TYMS: variants seen among roughly 807,000 people sequenced by gnomAD.
TYMS encodes the protein thymidylate synthase.
A neutral mutation model predicts 39.3 loss-of-function variants in TYMS; 21 were observed. That is an observed-to-expected ratio of 0.54 (90% CI 0.38 to 0.77). The LOEUF is 0.77. TYMS is among the 30% of genes least tolerant of loss of function. TYMS has a pLI of 0.00. For missense variants in TYMS, 273 were observed against 406.7 expected, an observed-to-expected ratio of 0.67 and a Z score of 2.83; for synonymous variants, 171 against 162.2, an observed-to-expected ratio of 1.05 and a Z score of -0.41.
At chr18:659,609 A>T in intron 1 of TYMS, 32 bp from the exon 2 acceptor site, 1 of 1,596,420 alleles carries the variant, frequency 6.3e-7, no homozygotes, top group Non-Finnish European at 8.6e-7. Flanking sequence ...CTGTCTTCCC[A>T]TCTTGAAACC....
Position 672,953 on chromosome 18 carries a change from G to A in TYMS, c.898G>A (p.Gly300Arg). The A allele has an allele frequency of 6.3e-7, 1 of 1,595,318 alleles. No individual in the cohort carries two copies. Among genetic ancestry groups the A allele is most frequent in the Non-Finnish European group, 8.6e-7 (1 of 1,165,656 alleles). Residue 300 changes from glycine to arginine, a missense_variant, in exon 7 of 7, where the codon GGG becomes AGG. Physicochemically the swap from Gly to Arg is moderately radical, Grantham distance 125. Around this residue, in one of 3 missense-constraint regions of TYMS, gnomAD observed 35 missense variants for 42.4 expected, o/e 0.83. Coordinates refer to ENST00000323274, the MANE Select transcript of TYMS (RefSeq NM_001071.4). ...DFKAEDFQIE[G>R]YNPHPTIKME... Reference sequence around the variant, plus strand: ...CAAAGCTGAAGACTTTCAGATTGAAGGGTACAATCCGCATCCAACTATTAA... The same window carrying A: ...CAAAGCTGAAGACTTTCAGATTGAAAGGTACAATCCGCATCCAACTATTAA...
At chr18:667,553 A>ATGGAGATGGAGATGGTGATGGT (rs2074878653) in intron 3 of TYMS, among the ~76,000 whole-genome samples, 1 of 18,572 alleles carries the variant, frequency 5.4e-5, no homozygotes, top group Non-Finnish European at 9.0e-5. Flanking sequence ...ATGGTGATGG[A>ATGGAGATGGAGATGGTGATGGT]GATGGTGATG....
chr18:658,470 C>T lies in TYMS; in HGVS notation c.205+523C>T. 1.9e-6 allele frequency: 1 copy of T among 526,700 alleles called. No individual in the cohort carries two copies. The highest frequency in any genetic ancestry group is 2.0e-5 in the South Asian group (1 of 50,866). The allele number at this position is 526,700 out of a possible 1,614,324, so 32.6% of individuals were successfully genotyped here. A position where few individuals can be genotyped will look rare whatever the true frequency, so the allele number is the denominator to read the frequency against. Reference sequence around the variant, plus strand: ...CGCGGGAACTTGGTTTCCTGGTGGCCTCCCATCCAATCCCCACGAACCAGC... The same window carrying T: ...CGCGGGAACTTGGTTTCCTGGTGGCTTCCCATCCAATCCCCACGAACCAGC... On this transcript the variant is annotated intron_variant, in intron 1 of 6. Coordinates refer to ENST00000323274, the MANE Select transcript of TYMS (RefSeq NM_001071.4). The surrounding 1 kb of genome is among the most constrained non-coding windows in gnomAD (Gnocchi z 4.5).
At position 660,564 on chromosome 18, in the gene TYMS, A is replaced by G. The variant is rs2074747311; in HGVS notation, c.279+850A>G. On this transcript the variant is annotated intron_variant, in intron 2 of 6. Coordinates refer to ENST00000323274, the MANE Select transcript of TYMS (RefSeq NM_001071.4). The surrounding 1 kb of genome is among the most constrained non-coding windows in gnomAD (Gnocchi z 4.6). ...CCTGCCACATAGTAGGAGTCAACAT[A>G]TATTGATCACTAAATGTAGATACCA... 6.6e-6 allele frequency among the ~76,000 whole-genome samples: 1 copy of G among 152,240 alleles called. No homozygotes were observed. The highest frequency in any genetic ancestry group is 1.9e-4 in the East Asian group (1 of 5,198).
In TYMS at chr18:673,187, A is replaced by C. The variant is rs906413936; in HGVS notation, c.*190A>C. The C allele has an allele frequency of 3.8e-6, 2 of 529,398 alleles. No individual in the cohort carries two copies. Among genetic ancestry groups the C allele is most frequent in the African/African-American group, 3.7e-5 (2 of 53,518 alleles). The allele number at this position is 529,398 out of a possible 1,614,324, so 32.8% of individuals were successfully genotyped here. ...CTGTGCCAGTTCTTTCCATAATAAA[A>C]GGCTTTGAGTTAACTCACTGAGGGT... On this transcript the variant is annotated 3_prime_UTR_variant, in exon 7 of 7. Coordinates refer to ENST00000323274, the MANE Select transcript of TYMS (RefSeq NM_001071.4).
rs62090120 is a variant in TYMS at position 666,921 on chromosome 18, A to C, written c.455-2151A>C. On this transcript the variant is annotated intron_variant, in intron 3 of 6. Transcript: ENST00000323274. ...GTGATGGAGATGGTGATGGTGATGG[A>C]GATGGTGATGGTGATGGAGATGGTG... is the stretch of plus-strand genomic sequence containing the variant. 1.9e-3 allele frequency among the ~76,000 whole-genome samples: 63 copies of C among 33,496 alleles called. 8 individuals carry two copies. Among genetic ancestry groups the C allele is most frequent in the African/African-American group, 6.0e-3 (53 of 8,776 alleles). The allele number at this position is 33,496 out of a possible 152,430, so 22.0% of individuals were successfully genotyped here.
chr18:666,822 C>G (rs935907257), intron 3 of TYMS, among the ~76,000 whole-genome samples: 1 of 152,186 alleles, frequency 6.6e-6, no homozygotes, highest in Non-Finnish European at 1.5e-5. Flanking sequence ...GACTGGGGAA[C>G]AGGGAGGAAT....
Position 660,442 on chromosome 18 carries a change from A to G in TYMS, c.279+728A>G, listed in dbSNP as rs183703769. Among the ~76,000 whole-genome samples, 7 of 120,324 alleles carry G rather than the reference A, an allele frequency of 5.8e-5. No individual in the cohort carries two copies. The highest frequency in any genetic ancestry group is 3.1e-4 in the Admixed American group (4 of 12,970). The allele number at this position is 120,324 out of a possible 152,430, so 78.9% of individuals were successfully genotyped here. A position where few individuals can be genotyped will look rare whatever the true frequency, so the allele number is the denominator to read the frequency against. ...TTTCCCTTCCCCTGTTAGAAGGGGG[A>G]CAGCAGGTAGTAAAAGTGAAATGTG... On this transcript the variant is annotated intron_variant, in intron 2 of 6. Coordinates refer to ENST00000323274, the MANE Select transcript of TYMS (RefSeq NM_001071.4). The surrounding 1 kb of genome is among the most constrained non-coding windows in gnomAD (Gnocchi z 4.6).
chr18:669,021 A>G (rs2074922895), intron 3 of TYMS, 51 bp from the exon 4 acceptor site: 1 of 1,488,032 alleles, frequency 6.7e-7, no homozygotes, highest in East Asian at 2.3e-5. Context: ...CCATCTCATG[A>G]CATGTGTGAT....
chr18:665,415 A>G (rs1349340771), intron 3 of TYMS, among the ~76,000 whole-genome samples: 1 of 150,702 alleles, frequency 6.6e-6, no homozygotes, highest in Admixed American at 6.6e-5. Flanking sequence ...CTTTTTCTTT[A>G]TTAGTCTTGC....
chr18:658,570 T>C lies in TYMS; in HGVS notation c.205+623T>C. 2 of 223,650 alleles carry C rather than the reference T, an allele frequency of 8.9e-6. No individual in the cohort carries two copies. Among genetic ancestry groups the C allele is most frequent in the Non-Finnish European group, 1.7e-5 (2 of 115,840 alleles). The allele number at this position is 223,650 out of a possible 1,614,324, so 13.9% of individuals were successfully genotyped here. The stretch of plus-strand genomic sequence containing the variant: ...CTTAGTCGTCCTTTCCTCTTTCCTT[T>C]CCGACAGGAGCACCCCAGGCAAAAA... On this transcript the variant is annotated intron_variant, in intron 1 of 6. Transcript: ENST00000323274. This position sits in a 1 kb window ranked among gnomAD's most constrained non-coding sequence, Gnocchi z 4.5.
At chr18:659,500 A>G in intron 1 of TYMS, 141 bp from the exon 2 acceptor site, 1 of 704,098 alleles carries the variant, frequency 1.4e-6, no homozygotes, top group South Asian at 1.7e-5. Flanking sequence ...CTCCACCGTG[A>G]TCTCTGGCCC....
rs1555639491 is a variant in TYMS at position 666,897 on chromosome 18, T to TGATGGCGATGGAGATGGAGATGGA, written c.455-2170_455-2169insCGATGGAGATGGAGATGGAGATGG. Among the ~76,000 whole-genome samples the TGATGGCGATGGAGATGGAGATGGA allele has an allele frequency of 6.2e-5, 3 of 48,214 alleles. 1 individual carries two copies. The East Asian group carries it at 2.6e-3, about 43-fold the overall frequency. The allele number at this position is 48,214 out of a possible 152,430, so 31.6% of individuals were successfully genotyped here. A position where few individuals can be genotyped will look rare whatever the true frequency, so the allele number is the denominator to read the frequency against. Reference sequence around the variant, plus strand: ...GATGACGAAAAAGTTCGGGAGATGGTGATGGAGATGGTGATGGTGATGGAG... The same window carrying TGATGGCGATGGAGATGGAGATGGA: ...GATGACGAAAAAGTTCGGGAGATGGTGATGGCGATGGAGATGGAGATGGAGATGGAGATGGTGATGGTGATGGAG... On this transcript the variant is annotated intron_variant, in intron 3 of 6. Transcript: ENST00000323274.
intron 2 of TYMS, among the ~76,000 whole-genome samples, chr18:661,752 G>A (rs575811256): frequency 5.9e-5 from 9 of 152,340 alleles, no homozygotes; most frequent in Non-Finnish European, 1.0e-4. Flanking sequence ...TCGGGAGGCC[G>A]AAGTGGGCGG....
In TYMS at chr18:662,241, C is replaced by T; in HGVS notation, c.375C>T (p.Thr125=). 6.2e-7 allele frequency: 1 copy of T among 1,614,044 alleles called. No individual in the cohort carries two copies. Among genetic ancestry groups the T allele is most frequent in the African/African-American group, 1.3e-5 (1 of 75,038 alleles). The part of the protein sequence containing the change: ...RDFLDSLGFS[T]REEGDLGPVY... Reference sequence around the variant, plus strand: ...TTTTGGACAGCCTGGGATTCTCCACCAGAGAAGAAGGGGACTTGGGCCCAG... The same window carrying T: ...TTTTGGACAGCCTGGGATTCTCCACTAGAGAAGAAGGGGACTTGGGCCCAG... Residue 125 remains threonine, a synonymous_variant, in exon 3 of 7, where the codon ACC becomes ACT. Coordinates refer to ENST00000323274, the MANE Select transcript of TYMS (RefSeq NM_001071.4).
At chr18:670,606 TTC>T (rs1248109237) in intron 4 of TYMS, 84 bp from the exon 5 acceptor site, 15 of 1,470,980 alleles carry the variant, frequency 1.0e-5, no homozygotes, top group South Asian at 8.8e-5. Flanking sequence ...ATGAGTTGGC[TTC>T]TGTTTCTCTC....
chr18:659,680 A>G lies in TYMS; in HGVS notation c.245A>G (p.Lys82Arg). Residue 82 changes from lysine to arginine, a missense_variant, in exon 2 of 7, where the codon AAG becomes AGG. Physicochemically the swap from Lys to Arg is conservative, Grantham distance 26 (BLOSUM62 2). Around this residue, in one of 3 missense-constraint regions of TYMS, gnomAD observed 228 missense variants for 326.1 expected, o/e 0.70. Coordinates refer to ENST00000323274, the MANE Select transcript of TYMS (RefSeq NM_001071.4). ...PLLTTKRVFWKGVLEELLWFI... is the reference protein window; with the variant it reads ...PLLTTKRVFWRGVLEELLWFI... ...CTGACAACCAAACGTGTGTTCTGGA[A>G]GGGTGTTTTGGAGGAGTTGCTGTGG... 1 of 1,614,214 alleles carries G rather than the reference A, an allele frequency of 6.2e-7. No individual in the cohort carries two copies.
intron 3 of TYMS, among the ~76,000 whole-genome samples, chr18:667,552 GAGA>G (rs2074878533): frequency 1.1e-5 from 1 of 91,008 alleles, no homozygotes; most frequent in Non-Finnish European, 2.0e-5. Context: ...GATGGTGATG[GAGA>G]TGGTGATGGT....
Position 673,125 on chromosome 18 carries a change from T to G in TYMS, c.*128T>G. On this transcript the variant is annotated 3_prime_UTR_variant, in exon 7 of 7. Transcript: ENST00000323274. The stretch of plus-strand genomic sequence containing the variant: ...AAAAATCTGTCCGTGACCTATCAGT[T>G]ATTAATTTTTAAGGATGTTGCCACT... 2 of 1,060,076 alleles carry G rather than the reference T, an allele frequency of 1.9e-6. No individual in the cohort carries two copies. Among genetic ancestry groups the G allele is most frequent in the Non-Finnish European group, 2.6e-6 (2 of 769,638 alleles). The allele number at this position is 1,060,076 out of a possible 1,614,324, so 65.7% of individuals were successfully genotyped here.
Sources: gnomAD v4.1 joint callset for allele counts (sites outside exome capture counted in the v4.1 genomes callset) on GRCh38, gnomAD v4.1.1 for gene constraint, gnomAD v4.1.1 regional missense constraint, Gnocchi (gnomAD v3.1) non-coding constraint, MANE v1.5 for transcripts, NCBI Gene and HGNC (gene_info 2026-07-23, HGNC 2026-07-21) for gene names.